Variants in FREM2 observed in about 807,000 individuals in gnomAD.
FREM2 encodes FRAS1-related extracellular matrix protein 2.
FREM2 carries 119 observed loss-of-function variants against 219.9 expected under a neutral mutation model. That is an observed-to-expected ratio of 0.54 (90% CI 0.47 to 0.63). FREM2 has a LOEUF of 0.63. Ranked by LOEUF, FREM2 falls within the 30% of genes least tolerant of loss-of-function variation. The pLI, the probability that FREM2 is intolerant of heterozygous loss-of-function variation, is 0.00. For synonymous variants in FREM2, 1,562 were observed against 1,522.8 expected (o/e 1.03, Z -0.60); for missense variants, 4,030 against 3,993.6 (o/e 1.01, Z -0.25).
intron 6 of FREM2, among the ~76,000 whole-genome samples, chr13:38,819,351 A>G (rs1875921946): frequency 6.6e-6 from 1 of 152,162 alleles, no homozygotes; most frequent in South Asian, 2.1e-4. Flanking sequence ...TTTCACCACC[A>G]TTACCAGAAA....
chr13:38,842,482 C>G (rs185648247), intron 6 of FREM2, among the ~76,000 whole-genome samples: 1 of 152,076 alleles, frequency 6.6e-6, no homozygotes, highest in Admixed American at 6.5e-5. Flanking sequence ...GCCCATGGGA[C>G]GTGGATTGAT....
At chr13:38,751,061 T>G (rs1228712723) in intron 2 of FREM2, among the ~76,000 whole-genome samples, 3 of 152,154 alleles carry the variant, frequency 2.0e-5, no homozygotes, top group Non-Finnish European at 4.4e-5. Flanking sequence ...AGCACTGAGG[T>G]TGATTCCATG....
Position 38,764,367 on chromosome 13 carries a change from A to C in FREM2, c.5327A>C (p.Glu1776Ala). 6.2e-7 allele frequency: 1 copy of C among 1,606,878 alleles called. No individual in the cohort carries two copies. The highest frequency in any genetic ancestry group is 8.5e-7 in the Non-Finnish European group (1 of 1,173,538). ...LNWAWISFEK[E>A]YYLVNEDSKF... ...TGGGCATGGATCTCCTTTGAAAAGG[A>C]ATATTACCTGGTCAATGAGGACTCC... Residue 1776 changes from glutamate to alanine, a missense_variant, in exon 3 of 24, where the codon GAA (glutamate) becomes GCA (alanine). By Grantham distance (107) the Glu-to-Ala change is moderately radical. This residue lies in a region of FREM2 where 3,102 missense variants were observed against 2,950.7 expected (regional missense o/e 1.05). Coordinates refer to ENST00000280481, the MANE Select transcript of FREM2 (RefSeq NM_207361.6).
chr13:38,756,110 G>A (rs529655086), intron 2 of FREM2, among the ~76,000 whole-genome samples: 108 of 152,234 alleles, frequency 7.1e-4, no homozygotes, highest in African/African-American at 2.3e-3. Flanking sequence ...AAATGTGTGG[G>A]GTAAACATTT....
chr13:38,847,911 A>G (rs1877223160), intron 7 of FREM2, among the ~76,000 whole-genome samples: 1 of 152,170 alleles, frequency 6.6e-6, no homozygotes, highest in Admixed American at 6.6e-5. Context: ...AAGATCAAAA[A>G]GTAGAAGCTT....
At chr13:38,802,967 C>G (rs1454232996) in intron 6 of FREM2, among the ~76,000 whole-genome samples, 1 of 152,122 alleles carries the variant, frequency 6.6e-6, no homozygotes, top group Non-Finnish European at 1.5e-5. Context: ...GCCTTGCTTC[C>G]CTCTCCTTCT....
chr13:38,785,898 G>C (rs1245432516), intron 6 of FREM2, among the ~76,000 whole-genome samples: 1 of 152,056 alleles, frequency 6.6e-6, no homozygotes, highest in Non-Finnish European at 1.5e-5. Context: ...ATTTCTTCTA[G>C]TTTCTGCCAT....
intron 2 of FREM2, among the ~76,000 whole-genome samples, chr13:38,736,988 C>T (rs189410676): frequency 3.3e-5 from 5 of 152,050 alleles, no homozygotes; most frequent in African/African-American, 7.2e-5. Flanking sequence ...CCTACTTAAA[C>T]GAATTTCTCC....
intron 6 of FREM2, among the ~76,000 whole-genome samples, chr13:38,845,880 T>A (rs1566164269): frequency 6.6e-6 from 1 of 152,142 alleles, no homozygotes; most frequent in Non-Finnish European, 1.5e-5. Context: ...TGTGCCCTAG[T>A]TTAGTGACTG....
Position 38,764,342 on chromosome 13 carries a change from T to C in FREM2, c.5302T>C (p.Trp1768Arg). ...AACGTACCAGAATTTTCGTCTGAATTGGGCATGGATCTCCTTTGAAAAGGA... is the reference window on the plus strand; with the variant it reads ...AACGTACCAGAATTTTCGTCTGAATCGGGCATGGATCTCCTTTGAAAAGGA... ...KLTYQNFRLN[W>R]AWISFEKEYY... The change falls in exon 3 of 24, where the codon TGG becomes CGG. Residue 1768 changes from tryptophan to arginine, a missense_variant. This residue lies in a region of FREM2 where 3,102 missense variants were observed against 2,950.7 expected (regional missense o/e 1.05). Coordinates refer to ENST00000280481, the MANE Select transcript of FREM2 (RefSeq NM_207361.6). The C allele has an allele frequency of 6.2e-7, 1 of 1,611,386 alleles. No individual in the cohort carries two copies. Among genetic ancestry groups the C allele is most frequent in the Non-Finnish European group, 8.5e-7 (1 of 1,177,664 alleles).
Position 38,706,295 on chromosome 13 carries a change from T to G in FREM2, c.5263+8508T>G, listed in dbSNP as rs148126170. Among the ~76,000 whole-genome samples the G allele has an allele frequency of 4.3e-3, 654 of 152,308 alleles. 10 individuals are homozygous for G. The highest frequency in any genetic ancestry group is 0.015 in the African/African-American group (613 of 41,568). ...TCTAATACACTGAGCCATAAGTGGT[T>G]GGAGAGATTGATTAAATGCCATGTT... On this transcript the variant is annotated intron_variant, in intron 2 of 23. Transcript: ENST00000280481.
intron 16 of FREM2, among the ~76,000 whole-genome samples, chr13:38,867,408 T>C (rs951681687): frequency 2.0e-5 from 3 of 152,254 alleles, no homozygotes; most frequent in Non-Finnish European, 2.9e-5. Flanking sequence ...GATCTTGTTA[T>C]AAAATTCTAA....
chr13:38,688,762 A>C lies in FREM2; in HGVS notation c.1418A>C (p.Glu473Ala). 1 of 1,614,058 alleles carries C rather than the reference A, an allele frequency of 6.2e-7. No homozygotes were observed. Among genetic ancestry groups the C allele is most frequent in the Non-Finnish European group, 8.5e-7 (1 of 1,179,976 alleles). ...SGPQNLVISD[E>A]DDLEAVRLEV... ...CCGCAAAACTTGGTCATCAGCGATG[A>C]GGATGACCTAGAAGCAGTGCGGCTA... The change falls in exon 1 of 24, where the codon GAG (glutamate) becomes GCG (alanine). Residue 473 changes from glutamate to alanine, a missense_variant. Coordinates refer to ENST00000280481, the MANE Select transcript of FREM2 (RefSeq NM_207361.6).
At chr13:38,803,768 T>C (rs1875113485) in intron 6 of FREM2, among the ~76,000 whole-genome samples, 2 of 149,094 alleles carry the variant, frequency 1.3e-5, no homozygotes, top group Non-Finnish European at 3.0e-5. Flanking sequence ...GCCAGGCACA[T>C]GTAAAAGGCA....
intron 6 of FREM2, among the ~76,000 whole-genome samples, chr13:38,840,644 A>ATATATATATG (rs1184958401): frequency 7.4e-6 from 1 of 134,268 alleles, no homozygotes; most frequent in East Asian, 2.4e-4. Flanking sequence ...ATATATATAT[A>ATATATATATG]TGTGTATGTA....
chr13:38,751,883 TGTGTGTGTGTG>T (rs1566128466), intron 2 of FREM2, among the ~76,000 whole-genome samples: 55 of 150,796 alleles, frequency 3.6e-4, no homozygotes, highest in African/African-American at 1.3e-3. Flanking sequence ...TGTGTGTGTG[TGTGTGTGTGTG>T]TGTTTTCCTT....
In FREM2 at chr13:38,861,413, G is replaced by C. The variant is rs1877754966; in HGVS notation, c.7520-18G>C. ...ATTACCTTCTTTTCGCATAAATATG[G>C]TCTTTTTTTTTTTCAAGGTCTTTGT... On this transcript the variant is annotated intron_variant, in intron 14 of 23. Coordinates refer to ENST00000280481, the MANE Select transcript of FREM2 (RefSeq NM_207361.6). 1 of 1,593,426 alleles carries C rather than the reference G, an allele frequency of 6.3e-7. No homozygotes were observed. Among genetic ancestry groups the C allele is most frequent in the Non-Finnish European group, 8.6e-7 (1 of 1,166,532 alleles).
At position 38,687,639 on chromosome 13, in the gene FREM2, G is replaced by A. The variant is rs1869533846; in HGVS notation, c.295G>A (p.Val99Met). Reference protein sequence around the residue: ...LDPLHDLVLQVQPGDRCAVSV... With the variant: ...LDPLHDLVLQMQPGDRCAVSV... ...TCCCCTGCATGACCTGGTGTTGCAG[G>A]TGCAGCCCGGGGACCGCTGCGCGGT... Residue 99 changes from valine to methionine, a missense_variant, in exon 1 of 24, where the codon GTG becomes ATG. Around this residue, in one of 2 missense-constraint regions of FREM2, gnomAD observed 3,102 missense variants for 2,950.7 expected, o/e 1.05. Transcript: ENST00000280481. 1 of 1,608,158 alleles carries A rather than the reference G, an allele frequency of 6.2e-7. No individual in the cohort carries two copies. The highest frequency in any genetic ancestry group is 8.5e-7 in the Non-Finnish European group (1 of 1,177,222).
At chr13:38,701,785 A>G (rs1173417866) in intron 2 of FREM2, among the ~76,000 whole-genome samples, 1 of 152,118 alleles carries the variant, frequency 6.6e-6, no homozygotes, top group Non-Finnish European at 1.5e-5. Flanking sequence ...TCACAATTAC[A>G]TAATTAGTCT....
Sources: gnomAD v4.1 joint callset for allele counts (sites outside exome capture counted in the v4.1 genomes callset) on GRCh38, gnomAD v4.1.1 for gene constraint, gnomAD v4.1.1 regional missense constraint, MANE v1.5 for transcripts, NCBI Gene and HGNC (gene_info 2026-07-23, HGNC 2026-07-21) for gene names.